The following CREB5 variants were observed in gnomAD, a reference collection of about 807,000 sequenced individuals.
The protein encoded by CREB5 is cyclic AMP-responsive element-binding protein 5.
A neutral mutation model predicts 57.1 loss-of-function variants in CREB5; 19 were observed. That is an observed-to-expected ratio of 0.33 (90% CI 0.23 to 0.49). The LOEUF (loss-of-function observed/expected upper bound fraction) is 0.49. Ranked by LOEUF, CREB5 falls within the 20% of genes least tolerant of loss-of-function variation. CREB5 has a pLI of 0.99. For synonymous variants in CREB5, 238 were observed against 238.3 expected (o/e 1.00, Z 0.01); for missense variants, 579 against 671.6 (o/e 0.86, Z 1.52).
intron 4 of CREB5, among the ~76,000 whole-genome samples, chr7:28,541,928 G>T (rs948871322): frequency 6.6e-6 from 1 of 152,018 alleles, no homozygotes. Context: ...ATTCTCTCTT[G>T]TTTCTATGGA....
intron 5 of CREB5, among the ~76,000 whole-genome samples, chr7:28,648,497 A>T (rs563445804): frequency 8.0e-4 from 122 of 152,228 alleles, no homozygotes; most frequent in Non-Finnish European, 1.1e-3. Context: ...GCATTTTGGG[A>T]GGCTTAGGCA....
chr7:28,814,652 T>C (rs530126295), intron 9 of CREB5, among the ~76,000 whole-genome samples: 4 of 152,264 alleles, frequency 2.6e-5, no homozygotes, highest in African/African-American at 9.6e-5. Context: ...ACAGAATTGC[T>C]TGTAGAATAA....
chr7:28,595,145 A>G (rs1437270019), intron 5 of CREB5, among the ~76,000 whole-genome samples: 1 of 152,140 alleles, frequency 6.6e-6, no homozygotes, highest in Non-Finnish European at 1.5e-5. Context: ...TTAATGTGGT[A>G]TGGTGATTTT....
At chr7:28,613,288 A>G (rs1158281042) in intron 5 of CREB5, among the ~76,000 whole-genome samples, 1 of 152,228 alleles carries the variant, frequency 6.6e-6, no homozygotes, top group Non-Finnish European at 1.5e-5. Flanking sequence ...GTTCATTGCA[A>G]TATATTGGGT....
At chr7:28,560,963 TGTGTGTGTGC>T (rs1795217427) in intron 4 of CREB5, among the ~76,000 whole-genome samples, 5 of 48,150 alleles carry the variant, frequency 1.0e-4, no homozygotes, top group African/African-American at 2.6e-4. Flanking sequence ...TGTGTGTGCG[TGTGTGTGTGC>T]GTGTGTGCGT....
At chr7:28,673,003 A>C (rs1393575443) in intron 5 of CREB5, among the ~76,000 whole-genome samples, 1 of 152,046 alleles carries the variant, frequency 6.6e-6, no homozygotes, top group Non-Finnish European at 1.5e-5. Context: ...CACCCGCCCC[A>C]TACCTTACCT....
chr7:28,341,502 C>T (rs561903476), intron 1 of CREB5, among the ~76,000 whole-genome samples: 13 of 152,182 alleles, frequency 8.5e-5, no homozygotes, highest in Non-Finnish European at 1.9e-4. Context: ...ATGTCTACTT[C>T]CTGGTTGATA....
chr7:28,610,479 C>T (rs540145519), intron 5 of CREB5, among the ~76,000 whole-genome samples: 2 of 152,142 alleles, frequency 1.3e-5, no homozygotes, highest in East Asian at 1.9e-4. Context: ...CATACATTCA[C>T]GCAAAGGGGA....
chr7:28,464,496 CGTGTGTGTGTGTGTGTGTGTGTGT>C (rs71555745), intron 1 of CREB5, among the ~76,000 whole-genome samples: 1 of 139,576 alleles, frequency 7.2e-6, no homozygotes. Flanking sequence ...TGGAAAGTTG[CGTGTGTGTGTGTGTGTGTGTGTGT>C]GTGTGTGTGT....
chr7:28,470,604 G>A (rs542247918), intron 1 of CREB5, among the ~76,000 whole-genome samples: 46 of 152,288 alleles, frequency 3.0e-4, no homozygotes, highest in African/African-American at 1.1e-3. Context: ...CAGTAGGATT[G>A]CTGGGTCATA....
At chr7:28,405,636 C>T (rs548762940) in intron 1 of CREB5, among the ~76,000 whole-genome samples, 2 of 152,242 alleles carry the variant, frequency 1.3e-5, no homozygotes, top group African/African-American at 2.4e-5. Flanking sequence ...AAGCTGGTCT[C>T]GAACTCCCAG....
chr7:28,711,898 A>AT (rs1424478679), intron 5 of CREB5, among the ~76,000 whole-genome samples: 4 of 152,236 alleles, frequency 2.6e-5, no homozygotes, highest in African/African-American at 7.2e-5. Flanking sequence ...TAGTATGGTG[A>AT]TTAATCTGTT....
chr7:28,773,654 C>T (rs924851417), intron 7 of CREB5, among the ~76,000 whole-genome samples: 6 of 152,110 alleles, frequency 3.9e-5, no homozygotes, highest in African/African-American at 1.4e-4. Flanking sequence ...AACAGCTGGC[C>T]ATAGTTTGCC....
chr7:28,410,094 C>G (rs1353307601), upstream of CREB5: 6 of 390,428 alleles, frequency 1.5e-5, no homozygotes, highest in Admixed American at 5.8e-5. Context: ...GGGGCTCGCT[C>G]TCCCCGGTGC....
intron 4 of CREB5, among the ~76,000 whole-genome samples, chr7:28,553,881 CT>C (rs1373700491): frequency 6.6e-6 from 1 of 152,170 alleles, no homozygotes; most frequent in Non-Finnish European, 1.5e-5. Flanking sequence ...GTCAGAGATT[CT>C]TTGGCTGATG....
intron 5 of CREB5, among the ~76,000 whole-genome samples, chr7:28,651,866 G>A (rs546922345): frequency 6.6e-6 from 1 of 152,218 alleles, no homozygotes; most frequent in South Asian, 2.1e-4. Flanking sequence ...ATGGTTCTAG[G>A]TAGCATGGTA....
chr7:28,314,677 A>G (rs532137642), intron 1 of CREB5, among the ~76,000 whole-genome samples: 9 of 152,128 alleles, frequency 5.9e-5, no homozygotes, highest in Non-Finnish European at 1.3e-4. Context: ...GCGACACACT[A>G]CCCCAAGGGA....
chr7:28,651,920 T>C (rs996882148), intron 5 of CREB5, among the ~76,000 whole-genome samples: 2 of 152,312 alleles, frequency 1.3e-5, no homozygotes, highest in African/African-American at 4.8e-5. Flanking sequence ...TGAATTCCAG[T>C]TCTGGCTCTG....
intron 1 of CREB5, among the ~76,000 whole-genome samples, chr7:28,362,846 C>G (rs1355558339): frequency 6.6e-6 from 1 of 152,040 alleles, no homozygotes; most frequent in Non-Finnish European, 1.5e-5. Flanking sequence ...GTTTGACACC[C>G]CTGAGGCTCA....
Sources: gnomAD v4.1 joint callset for allele counts (sites outside exome capture counted in the v4.1 genomes callset) on GRCh38, gnomAD v4.1.1 for gene constraint, MANE v1.5 for transcripts, NCBI Gene and HGNC (gene_info 2026-07-23, HGNC 2026-07-21) for gene names.